RYR3: variants seen among roughly 807,000 people sequenced by gnomAD.
RYR3 encodes the protein ryanodine receptor 3, also known as brain ryanodine receptor-calcium release channel.
A neutral mutation model predicts 584.3 loss-of-function variants in RYR3; 207 were observed. The observed-to-expected ratio is 0.35, with a 90% CI of 0.32 to 0.40. The LOEUF is 0.40. RYR3 is among the 10% of genes least tolerant of loss of function. The pLI is 1.00. For missense variants in RYR3, 5,616 were observed against 6,089.2 expected (o/e 0.92, Z 2.59); for synonymous variants, 2,416 against 2,248.5 (o/e 1.07, Z -2.11).
At chr15:33,585,516 G>T (rs955814831) in intron 15 of RYR3, among the ~76,000 whole-genome samples, 1 of 152,140 alleles carries the variant, frequency 6.6e-6, no homozygotes, top group African/African-American at 2.4e-5. Context: ...TTTGATACAT[G>T]AGTAGACCTA....
chr15:33,822,189 C>G (rs1037330748), intron 80 of RYR3, among the ~76,000 whole-genome samples: 1 of 152,216 alleles, frequency 6.6e-6, no homozygotes, highest in Non-Finnish European at 1.5e-5. Context: ...AACCAAGTAC[C>G]TGACACATGG....
intron 38 of RYR3, among the ~76,000 whole-genome samples, chr15:33,689,744 C>G (rs1299263428): frequency 6.6e-6 from 1 of 151,788 alleles, no homozygotes; most frequent in Non-Finnish European, 1.5e-5. Context: ...ATATGTGTTA[C>G]TATAGGAGTT....
At chr15:33,391,186 CA>C (rs1401249762) in intron 1 of RYR3, among the ~76,000 whole-genome samples, 1 of 152,194 alleles carries the variant, frequency 6.6e-6, no homozygotes, top group Non-Finnish European at 1.5e-5. Flanking sequence ...GAGTAATTCT[CA>C]AATACAGACA....
chr15:33,718,850 G>GTGA (rs563283049), intron 43 of RYR3, among the ~76,000 whole-genome samples: 23 of 152,312 alleles, frequency 1.5e-4, no homozygotes, highest in Admixed American at 9.8e-4. Context: ...GAAAGGCACT[G>GTGA]TGAACATTCA....
chr15:33,837,034 C>T, intron 88 of RYR3, 47 bp downstream of exon 88: 2 of 1,423,796 alleles, frequency 1.4e-6, no homozygotes, highest in Non-Finnish European at 2.0e-6. Context: ...TGTAATTGGT[C>T]TGAGCACTAA....
At chr15:33,800,147 T>C (rs1003974274) in intron 67 of RYR3, among the ~76,000 whole-genome samples, 1 of 152,212 alleles carries the variant, frequency 6.6e-6, no homozygotes, top group Admixed American at 6.5e-5. Flanking sequence ...TAATGCTTAT[T>C]TGTAGGGAAT....
intron 1 of RYR3, among the ~76,000 whole-genome samples, chr15:33,356,544 G>T (rs953235565): frequency 7.2e-5 from 11 of 152,092 alleles, no homozygotes; most frequent in African/African-American, 2.7e-4. Context: ...TGATAATTAA[G>T]AACATATCAA....
At chr15:33,706,103 G>A (rs1022557518) in intron 42 of RYR3, among the ~76,000 whole-genome samples, 1 of 151,882 alleles carries the variant, frequency 6.6e-6, no homozygotes, top group Admixed American at 6.6e-5. Context: ...AAGCCTTTCA[G>A]TTCTTAGAAT....
At chr15:33,629,703 CA>C (rs1318948389) in intron 21 of RYR3, among the ~76,000 whole-genome samples, 15 of 152,176 alleles carry the variant, frequency 9.9e-5, no homozygotes, top group Non-Finnish European at 2.1e-4. Flanking sequence ...AAAGTATGTT[CA>C]AAATGCAGAT....
intron 103 of RYR3, 125 bp from the exon 104 acceptor site, chr15:33,865,006 G>A (rs1394158131): frequency 6.2e-6 from 4 of 646,144 alleles, no homozygotes; most frequent in Non-Finnish European, 1.1e-5. Context: ...GAATGAATGT[G>A]CAGGTTTGGC....
intron 102 of RYR3, among the ~76,000 whole-genome samples, chr15:33,861,492 T>TTA (rs1786919642): frequency 6.6e-6 from 1 of 151,644 alleles, no homozygotes; most frequent in Non-Finnish European, 1.5e-5. Flanking sequence ...TTTTTTTTTT[T>TTA]AATCCTAAAC....
At position 33,624,303 on chromosome 15, in the gene RYR3, T is replaced by C. The variant is rs997332149; in HGVS notation, c.2574+280T>C. Among the ~76,000 whole-genome samples, 12 of 152,114 alleles carry C rather than the reference T, an allele frequency of 7.9e-5. 1 individual carries two copies. The highest frequency in any genetic ancestry group is 3.3e-4 in the Admixed American group (5 of 15,262). ...TGGGAATTCTCAACCAAGTTAAAGA[T>C]GTAAGAAGCAAATGTATTATTTTTT... On this transcript the variant is annotated intron_variant, in intron 20 of 103. Transcript: ENST00000634891.
intron 38 of RYR3, among the ~76,000 whole-genome samples, chr15:33,694,435 G>A (rs376660911): frequency 5.1e-4 from 77 of 151,778 alleles, no homozygotes; most frequent in Admixed American, 4.1e-3. Context: ...TAGTAGAGAC[G>A]GGGTTTCACC....
At position 33,503,684 on chromosome 15, in the gene RYR3, T is replaced by A; in HGVS notation, c.225T>A (p.Ser75=). ...ATTTTGTGCTGGAACAGTCCCTATC[T>A]GTCAGAGCCCTGCAGGAAATGCTTG... is the stretch of plus-strand genomic sequence containing the variant. The part of the protein sequence containing the change: ...VCNFVLEQSL[S]VRALQEMLAN... Residue 75 remains serine (S), a synonymous_variant, in exon 3 of 104, where the codon TCT becomes TCA. Transcript: ENST00000634891. 6.2e-7 allele frequency: 1 copy of A among 1,613,354 alleles called. No individual in the cohort carries two copies. The highest frequency in any genetic ancestry group is 8.5e-7 in the Non-Finnish European group (1 of 1,179,698).
intron 60 of RYR3, among the ~76,000 whole-genome samples, chr15:33,766,566 T>TA (rs2152878984): frequency 6.6e-6 from 1 of 152,342 alleles, no homozygotes; most frequent in East Asian, 1.9e-4. Context: ...CTACTTTTCT[T>TA]AGATTATTAA....
chr15:33,811,738 C>G (rs1383996526), intron 72 of RYR3, among the ~76,000 whole-genome samples: 1 of 152,110 alleles, frequency 6.6e-6, no homozygotes, highest in Non-Finnish European at 1.5e-5. Context: ...TCTTGTTAAA[C>G]AGTGCAGTGG....
intron 48 of RYR3, among the ~76,000 whole-genome samples, chr15:33,732,149 A>T (rs1283613818): frequency 6.6e-6 from 1 of 151,710 alleles, no homozygotes; most frequent in African/African-American, 2.4e-5. Flanking sequence ...TGGGAGGCCG[A>T]GGTGGGCAGA....
At position 33,865,259 on chromosome 15, in the gene RYR3, A is replaced by AGCAAAGAAGCGC; in HGVS notation, c.*34_*35insCAAAGAAGCGCG. ...TCAAAGAAGCGCGACAATTCTGGACAGTCAACTTCCCATGAAATAAAGTCC... is the reference window on the plus strand; with the variant it reads ...TCAAAGAAGCGCGACAATTCTGGACAGCAAAGAAGCGCGTCAACTTCCCATGAAATAAAGTCC... On this transcript the variant is annotated 3_prime_UTR_variant, in exon 104 of 104. Transcript: ENST00000634891. 1 of 1,488,652 alleles carries AGCAAAGAAGCGC rather than the reference A, an allele frequency of 6.7e-7. No homozygotes were observed. Among genetic ancestry groups the AGCAAAGAAGCGC allele is most frequent in the Non-Finnish European group, 9.3e-7 (1 of 1,071,412 alleles). 92.2% of individuals were successfully genotyped at this position (1,488,652 alleles called of 1,614,324 possible).
intron 101 of RYR3, among the ~76,000 whole-genome samples, 166 bp downstream of exon 101, chr15:33,860,825 G>C (rs1391534370): frequency 6.6e-6 from 1 of 150,918 alleles, no homozygotes; most frequent in Non-Finnish European, 1.5e-5. Flanking sequence ...CTGCCAGGCC[G>C]GCCACTCTGC....
Sources: allele counts gnomAD v4.1 joint callset (sites outside exome capture counted in the v4.1 genomes callset), GRCh38; gene constraint gnomAD v4.1.1; transcripts MANE v1.5; gene names NCBI Gene and HGNC (gene_info 2026-07-23, HGNC 2026-07-21).